The following MDGA2 variants were observed in gnomAD, a reference collection of about 807,000 sequenced individuals.
The protein encoded by MDGA2 is MAM domain-containing glycosylphosphatidylinositol anchor protein 2.
A neutral mutation model predicts 117.8 loss-of-function variants in MDGA2; 40 were observed. That is an observed-to-expected ratio of 0.34 (90% confidence interval 0.26 to 0.44). The LOEUF is 0.44. Among genes scored for constraint, MDGA2 ranks in the 20% least tolerant of loss-of-function variants. MDGA2 has a pLI of 1.00. For synonymous variants in MDGA2, 452 were observed against 439.0 expected (o/e 1.03, Z -0.37); for missense variants, 1,123 against 1,250.6 (o/e 0.90, Z 1.54).
chr14:46,845,984 T>A, intron 15 of MDGA2, 113 bp from the exon 16 acceptor site: 2 of 719,614 alleles, frequency 2.8e-6, no homozygotes, highest in South Asian at 3.4e-5. Flanking sequence ...GCATCTTTTA[T>A]ATTTGATGGC....
chr14:47,527,552 C>T (rs7145607), intron 1 of MDGA2, among the ~76,000 whole-genome samples: 73,406 of 152,012 alleles, frequency 0.48, 17,944 homozygotes, highest in East Asian at 0.6. Flanking sequence ...AGGGCAGAAC[C>T]TTGGGGAAAG....
chr14:47,335,726 C>CAT (rs1890424076), intron 1 of MDGA2, among the ~76,000 whole-genome samples: 1 of 48,046 alleles, frequency 2.1e-5, no homozygotes, highest in African/African-American at 7.4e-5. Context: ...CACATGCACA[C>CAT]ATATATTTTA....
chr14:47,451,122 A>G (rs1349567845), intron 1 of MDGA2, among the ~76,000 whole-genome samples: 1 of 152,074 alleles, frequency 6.6e-6, no homozygotes, highest in African/African-American at 2.4e-5. Flanking sequence ...AATCACTGAA[A>G]TAAGGCTTAC....
At chr14:47,249,646 T>C (rs760997966) in intron 2 of MDGA2, among the ~76,000 whole-genome samples, 2 of 152,196 alleles carry the variant, frequency 1.3e-5, no homozygotes, top group Non-Finnish European at 2.9e-5. Context: ...CCACAATTCT[T>C]ATGGCCTCTT....
chr14:46,985,094 C>G (rs527930757), intron 8 of MDGA2, among the ~76,000 whole-genome samples: 7 of 152,148 alleles, frequency 4.6e-5, no homozygotes, highest in African/African-American at 1.4e-4. Flanking sequence ...CCTCCCATTG[C>G]TCAAGCTGAT....
intron 1 of MDGA2, among the ~76,000 whole-genome samples, chr14:47,663,211 T>C (rs1357730722): frequency 1.3e-5 from 2 of 152,254 alleles, no homozygotes; most frequent in African/African-American, 4.8e-5. Context: ...TACTTGGCAG[T>C]TGTATCTCTC....
intron 6 of MDGA2, among the ~76,000 whole-genome samples, chr14:47,088,699 G>C (rs748501441): frequency 2.0e-5 from 3 of 152,160 alleles, no homozygotes; most frequent in Non-Finnish European, 2.9e-5. Flanking sequence ...AACAAAAACA[G>C]TGAGTGCCCA....
At chr14:47,353,274 G>T (rs1339154294) in intron 1 of MDGA2, among the ~76,000 whole-genome samples, 1 of 152,190 alleles carries the variant, frequency 6.6e-6, no homozygotes, top group Non-Finnish European at 1.5e-5. Flanking sequence ...AAATGAAAAT[G>T]CATATACTTT....
chr14:47,628,955 C>G (rs961888056), intron 1 of MDGA2, among the ~76,000 whole-genome samples: 28 of 152,234 alleles, frequency 1.8e-4, no homozygotes, highest in African/African-American at 6.5e-4. Flanking sequence ...CTCCAGAACT[C>G]TCCATGGAGT....
At chr14:47,019,633 GGAGATCGAGATCATCCT>G (rs2138577136) in intron 8 of MDGA2, among the ~76,000 whole-genome samples, 1 of 152,176 alleles carries the variant, frequency 6.6e-6, no homozygotes, top group Non-Finnish European at 1.5e-5. Context: ...CACGAGGTCA[GGAGATCGAGATCATCCT>G]GATTAACACG....
At chr14:47,311,631 GCAATACCCT>G (rs780461618) in intron 1 of MDGA2, among the ~76,000 whole-genome samples, 1 of 152,124 alleles carries the variant, frequency 6.6e-6, no homozygotes, top group Non-Finnish European at 1.5e-5. Context: ...CTCCACTGGG[GCAATACCCT>G]CATGGACTGT....
intron 1 of MDGA2, among the ~76,000 whole-genome samples, chr14:47,463,109 T>G (rs1258483427): frequency 6.6e-6 from 1 of 152,156 alleles, no homozygotes; most frequent in East Asian, 1.9e-4. Context: ...GTCCTATAAT[T>G]CCTAAAAACC....
At chr14:47,655,556 C>G (rs1171622636) in intron 1 of MDGA2, among the ~76,000 whole-genome samples, 1 of 152,052 alleles carries the variant, frequency 6.6e-6, no homozygotes, top group Admixed American at 6.6e-5. Flanking sequence ...AAAATAGACA[C>G]CTCCTCAGTG....
intron 1 of MDGA2, among the ~76,000 whole-genome samples, chr14:47,425,621 A>C (rs1488414868): frequency 2.0e-5 from 3 of 152,138 alleles, no homozygotes; most frequent in Non-Finnish European, 2.9e-5. Flanking sequence ...GATATTTTTC[A>C]CTGAAGTGTA....
chr14:46,933,698 A>C (rs911347021), intron 9 of MDGA2, among the ~76,000 whole-genome samples: 1 of 150,500 alleles, frequency 6.6e-6, no homozygotes, highest in African/African-American at 2.4e-5. Flanking sequence ...TATTTTCTTG[A>C]AACTTTAAAG....
At chr14:47,215,275 G>T (rs1886044816) in intron 3 of MDGA2, among the ~76,000 whole-genome samples, 2 of 151,930 alleles carry the variant, frequency 1.3e-5, no homozygotes, top group South Asian at 4.1e-4. Context: ...TTATATAAAT[G>T]AATATCTATT....
At chr14:47,668,432 C>T (rs1461981426) in intron 1 of MDGA2, among the ~76,000 whole-genome samples, 1 of 152,248 alleles carries the variant, frequency 6.6e-6, no homozygotes, top group Admixed American at 6.5e-5. Flanking sequence ...CCTCCATCTG[C>T]CTGACATAAT....
At chr14:47,137,220 A>T (rs187567762) in intron 4 of MDGA2, among the ~76,000 whole-genome samples, 1 of 152,312 alleles carries the variant, frequency 6.6e-6, no homozygotes, top group Admixed American at 6.5e-5. Flanking sequence ...AAGACCTACA[A>T]GTGTGGCCCT....
At chr14:47,320,903 CA>C (rs974912315) in intron 1 of MDGA2, among the ~76,000 whole-genome samples, 3 of 151,878 alleles carry the variant, frequency 2.0e-5, no homozygotes, top group African/African-American at 7.3e-5. Context: ...GCCATTTACC[CA>C]AAAAACATTG....
Sources: allele counts gnomAD v4.1 joint callset (sites outside exome capture counted in the v4.1 genomes callset), GRCh38; gene constraint gnomAD v4.1.1; transcripts MANE v1.5; gene names NCBI Gene and HGNC (gene_info 2026-07-23, HGNC 2026-07-21).